METTL14: variants seen among roughly 807,000 people sequenced by gnomAD.
METTL14 encodes methyltransferase 14, N6-adenosine-methyltransferase non-catalytic subunit.
In METTL14, 32 loss-of-function variants were observed where a neutral mutation model predicts 62.4. The ratio of observed to expected loss-of-function variants is 0.51; its 90% confidence interval spans 0.39 to 0.69. METTL14 has a LOEUF of 0.69. Among genes scored for constraint, METTL14 ranks in the 30% least tolerant of loss-of-function variants. The probability of loss-of-function intolerance (pLI) is 0.00; values close to 1 mark genes in which losing one functional copy is unlikely to be tolerated. For synonymous variants in METTL14, 150 were observed against 180.0 expected (o/e 0.83, Z 1.34); for missense variants, 340 against 551.9 (o/e 0.62, Z 3.85).
At chr4:118,694,800 C>CT (rs946196290) in intron 6 of METTL14, among the ~76,000 whole-genome samples, 2 of 152,010 alleles carry the variant, frequency 1.3e-5, no homozygotes, top group East Asian at 1.9e-4. Context: ...TTCTTTCTTT[C>CT]TTTTTTTGTT....
rs1393143327 is a variant in METTL14, at chr4:118,691,528, C to T, written c.244-4C>T. On this transcript the variant is annotated splice_polypyrimidine_tract_variant and splice_region_variant and intron_variant, in intron 3 of 10. Transcript: ENST00000388822. ...AATATTTACTTAATCTTATGTTTTT[C>T]AAGGATGAACTAGAAATGCAACAGG... The T allele has an allele frequency of 8.5e-6, 13 of 1,522,834 alleles. No homozygotes were observed. Among genetic ancestry groups the T allele is most frequent in the Non-Finnish European group, 1.2e-5 (13 of 1,122,798 alleles). 94.3% of individuals were successfully genotyped at this position (1,522,834 alleles called of 1,614,324 possible).
chr4:118,704,713 A>G (rs578163761), intron 9 of METTL14, among the ~76,000 whole-genome samples: 182 of 152,184 alleles, frequency 1.2e-3, no homozygotes, highest in Non-Finnish European at 1.4e-3. Context: ...CATACTTTTC[A>G]TTATGTGTCT....
chr4:118,698,104 A>C (rs1022567432), intron 7 of METTL14, among the ~76,000 whole-genome samples: 2 of 152,124 alleles, frequency 1.3e-5, no homozygotes, highest in African/African-American at 2.4e-5. Flanking sequence ...AGTTTTAACC[A>C]GTTTAGTAAA....
At chr4:118,698,836 C>G (rs1328471336) in intron 7 of METTL14, among the ~76,000 whole-genome samples, 3 of 152,116 alleles carry the variant, frequency 2.0e-5, no homozygotes, top group South Asian at 4.1e-4. Flanking sequence ...ACAGGCAGAT[C>G]TGGTTTCAAA....
At chr4:118,706,962 G>A (rs1724773643) in intron 10 of METTL14, among the ~76,000 whole-genome samples, 1 of 151,988 alleles carries the variant, frequency 6.6e-6, no homozygotes, top group African/African-American at 2.4e-5. Context: ...AGAGTTACTT[G>A]TATATTTTGG....
intron 10 of METTL14, among the ~76,000 whole-genome samples, chr4:118,708,855 C>G (rs1724836042): frequency 6.6e-6 from 1 of 152,142 alleles, no homozygotes; most frequent in African/African-American, 2.4e-5. Context: ...TCAGGGTCCC[C>G]TACAAAGGGC....
rs373019139 is a variant in METTL14 at position 118,704,381 on chromosome 4, G to A, written c.855+330G>A. Among the ~76,000 whole-genome samples the A allele has an allele frequency of 3.9e-5, 6 of 152,248 alleles. No homozygotes were observed. The East Asian group carries it at 1.2e-3, about 29-fold the overall frequency. ...AAGAGATAGCAAGATCGCAAGACTC[G>A]AGTTGGCCAGCTTAGAGACGTATTT... On this transcript the variant is annotated intron_variant, in intron 9 of 10. Coordinates refer to ENST00000388822, the MANE Select transcript of METTL14 (RefSeq NM_020961.4).
intron 2 of METTL14, among the ~76,000 whole-genome samples, chr4:118,688,437 G>A (rs1416070222): frequency 2.1e-5 from 2 of 94,328 alleles, no homozygotes; most frequent in East Asian, 3.6e-4. Context: ...GTGAGACTCC[G>A]TCTCAAAAAA....
chr4:118,688,350 T>C (rs1724140351), intron 2 of METTL14, among the ~76,000 whole-genome samples: 1 of 151,750 alleles, frequency 6.6e-6, no homozygotes, highest in Non-Finnish European at 1.5e-5. Flanking sequence ...GGCAGTAGAA[T>C]TGCTTGAAAC....
At chr4:118,687,392 G>T (rs575333396) in intron 1 of METTL14, among the ~76,000 whole-genome samples, 18 of 152,200 alleles carry the variant, frequency 1.2e-4, no homozygotes, top group African/African-American at 3.4e-4. Context: ...ATATTAAATC[G>T]TGTGTATTGC....
At chr4:118,706,713 C>T (rs1335548934) in intron 10 of METTL14, among the ~76,000 whole-genome samples, 2 of 151,958 alleles carry the variant, frequency 1.3e-5, no homozygotes, top group South Asian at 2.1e-4. Flanking sequence ...GTGAGAGTTC[C>T]TGTTGCTCTG....
rs1305377710 is a variant in METTL14, at chr4:118,711,990, TAGAA to T, written c.*1692_*1695del. 6.6e-6 allele frequency: 1 copy of T among 152,178 alleles called. No individual in the cohort carries two copies. The highest frequency in any genetic ancestry group is 1.5e-5 in the Non-Finnish European group (1 of 68,044). The allele number at this position is 152,178 out of a possible 1,614,324, so 9.4% of individuals were successfully genotyped here. ...TGAGATCAGTGTCACAATTTCATCT[TAGAA>T]AGAGGTAGGTATGGCTGCTTTGTCG... On this transcript the variant is annotated 3_prime_UTR_variant, in exon 11 of 11. Transcript: ENST00000388822.
In METTL14 at chr4:118,712,082, G is replaced by C. The variant is rs1398699518; in HGVS notation, c.*1780G>C. On this transcript the variant is annotated 3_prime_UTR_variant, in exon 11 of 11. Transcript: ENST00000388822. Reference sequence around the variant, plus strand: ...GGAAAAAGTTATTTAAAAAAGAGCAGATGGTGGAAAAAGAATGTAAGACCC... The same window carrying C: ...GGAAAAAGTTATTTAAAAAAGAGCACATGGTGGAAAAAGAATGTAAGACCC... 6.6e-6 allele frequency: 1 copy of C among 152,178 alleles called. No individual in the cohort carries two copies. The highest frequency in any genetic ancestry group is 1.9e-4 in the East Asian group (1 of 5,188). The allele number at this position is 152,178 out of a possible 1,614,324, so 9.4% of individuals were successfully genotyped here. A position where few individuals can be genotyped will look rare whatever the true frequency, so the allele number is the denominator to read the frequency against.
intron 9 of METTL14, among the ~76,000 whole-genome samples, chr4:118,704,543 A>C (rs192059644): frequency 1.6e-4 from 24 of 151,976 alleles, no homozygotes; most frequent in Non-Finnish European, 3.2e-4. Flanking sequence ...GGTCTTTCTT[A>C]TTAAGTCTTT....
At chr4:118,689,927 C>T (rs1269980763) in intron 3 of METTL14, among the ~76,000 whole-genome samples, 6 of 151,440 alleles carry the variant, frequency 4.0e-5, no homozygotes, top group East Asian at 3.9e-4. Flanking sequence ...TGTGAGCCAC[C>T]GTGCCCTGCC....
intron 5 of METTL14, among the ~76,000 whole-genome samples, chr4:118,693,279 A>G (rs957345778): frequency 5.3e-5 from 8 of 152,170 alleles, no homozygotes; most frequent in Non-Finnish European, 8.8e-5. Flanking sequence ...GGCCATTTAA[A>G]TATCTTTTTT....
chr4:118,687,824 T>C (rs1724118137), intron 1 of METTL14, 99 bp from the exon 2 acceptor site: 1 of 834,574 alleles, frequency 1.2e-6, no homozygotes, highest in Non-Finnish European at 1.9e-6. Flanking sequence ...TTAAGGTGTT[T>C]TTGTTTTTTA....
intron 6 of METTL14, among the ~76,000 whole-genome samples, chr4:118,696,177 G>C (rs1366506768): frequency 1.4e-5 from 2 of 139,252 alleles, no homozygotes; most frequent in African/African-American, 2.6e-5. Context: ...AAGCACCACA[G>C]AATGTTTTAG....
intron 8 of METTL14, among the ~76,000 whole-genome samples, chr4:118,701,822 G>A (rs1460553162): frequency 6.6e-6 from 1 of 152,130 alleles, no homozygotes; most frequent in East Asian, 1.9e-4. Flanking sequence ...AAATAAGATT[G>A]TGCCCAAATT....
Sources: allele counts gnomAD v4.1 joint callset (sites outside exome capture counted in the v4.1 genomes callset), GRCh38; gene constraint gnomAD v4.1.1; transcripts MANE v1.5; gene names NCBI Gene and HGNC (gene_info 2026-07-23, HGNC 2026-07-21).